Variants in CCDC3 observed in about 807,000 individuals in gnomAD.
CCDC3 encodes the protein coiled-coil domain-containing protein 3.
A neutral mutation model predicts 21.4 loss-of-function variants in CCDC3; 24 were observed. The observed-to-expected ratio is 1.12, with a 90% CI of 0.81 to 1.58. The LOEUF is 1.58. Ranked by LOEUF, CCDC3 falls within the 40% of genes most tolerant of loss-of-function variation. CCDC3 has a pLI of 0.00. For synonymous variants in CCDC3, 186 were observed against 166.0 expected, an observed-to-expected ratio of 1.12 and a Z score of -0.93; for missense variants, 425 against 360.9, an observed-to-expected ratio of 1.18 and a Z score of -1.44.
intron 4 of CCDC3, among the ~76,000 whole-genome samples, chr10:13,065,343 G>A (rs1314057824): frequency 6.6e-6 from 1 of 152,074 alleles, no homozygotes; most frequent in Non-Finnish European, 1.5e-5. Flanking sequence ...ATATAAACAC[G>A]TCACATCAAA....
chr10:12,969,898 A>T (rs370177432), intron 2 of CCDC3, among the ~76,000 whole-genome samples: 2 of 152,222 alleles, frequency 1.3e-5, no homozygotes, highest in African/African-American at 4.8e-5. Flanking sequence ...TGTGGAGTAT[A>T]AAAAAGTCAA....
intron 3 of CCDC3, among the ~76,000 whole-genome samples, chr10:13,090,836 G>A (rs1473214260): frequency 6.6e-6 from 1 of 152,242 alleles, no homozygotes; most frequent in Non-Finnish European, 1.5e-5. Flanking sequence ...ATCACAGGGT[G>A]AAGTCCCATG....
intron 2 of CCDC3, among the ~76,000 whole-genome samples, chr10:12,948,953 G>T (rs1417911673): frequency 6.6e-6 from 1 of 151,834 alleles, no homozygotes; most frequent in Non-Finnish European, 1.5e-5. Context: ...GGATGGTCTT[G>T]ATCTCCTGAC....
At chr10:13,051,558 A>G (rs929526298) in intron 4 of CCDC3, among the ~76,000 whole-genome samples, 5 of 152,172 alleles carry the variant, frequency 3.3e-5, no homozygotes, top group Admixed American at 1.3e-4. Flanking sequence ...ATTGTAACAG[A>G]AGAGTATAAT....
chr10:12,912,873 C>T (rs1834291695), intron 2 of CCDC3, among the ~76,000 whole-genome samples: 2 of 152,326 alleles, frequency 1.3e-5, no homozygotes, highest in South Asian at 4.1e-4. Context: ...ACTGTCCTCT[C>T]CCCGTTGCAT....
intron 3 of CCDC3, among the ~76,000 whole-genome samples, chr10:13,081,864 T>C (rs1049410281): frequency 1.3e-5 from 2 of 152,242 alleles, no homozygotes; most frequent in African/African-American, 4.8e-5. Flanking sequence ...AGGTCCAGGT[T>C]GTCCCCTTTC....
At chr10:12,900,640 G>A (rs1429033051) in intron 2 of CCDC3, among the ~76,000 whole-genome samples, 7 of 141,920 alleles carry the variant, frequency 4.9e-5, no homozygotes, top group Admixed American at 7.2e-5. Context: ...GCAGTGAGCC[G>A]AGATCGCGCC....
intron 5 of CCDC3, among the ~76,000 whole-genome samples, chr10:13,030,361 C>G (rs1443222904): frequency 1.3e-5 from 2 of 152,186 alleles, no homozygotes; most frequent in Non-Finnish European, 2.9e-5. Context: ...TGGAAAGGAA[C>G]AACCGGTACC....
intron 2 of CCDC3, among the ~76,000 whole-genome samples, chr10:12,899,858 T>G (rs1210181046): frequency 1.3e-5 from 2 of 152,226 alleles, no homozygotes; most frequent in Non-Finnish European, 2.9e-5. Flanking sequence ...TTTTGTACTT[T>G]TTGAATTTTG....
At chr10:12,984,495 G>A (rs770131356) in intron 2 of CCDC3, among the ~76,000 whole-genome samples, 3 of 152,188 alleles carry the variant, frequency 2.0e-5, no homozygotes, top group African/African-American at 4.8e-5. Context: ...AAAACAGTCT[G>A]GCTGCTCCTG....
chr10:12,932,197 GTTT>G (rs1456516824), intron 2 of CCDC3, among the ~76,000 whole-genome samples: 1 of 152,184 alleles, frequency 6.6e-6, no homozygotes, highest in African/African-American at 2.4e-5. Context: ...ATGATAATGT[GTTT>G]TTAATTTCAA....
At chr10:13,088,770 C>G (rs1837142396) in intron 3 of CCDC3, among the ~76,000 whole-genome samples, 2 of 152,264 alleles carry the variant, frequency 1.3e-5, no homozygotes, top group South Asian at 4.1e-4. Flanking sequence ...CGCCTGTAAT[C>G]CCAGCACTTC....
chr10:13,008,349 C>T (rs1316559833), intron 5 of CCDC3, among the ~76,000 whole-genome samples: 3 of 152,118 alleles, frequency 2.0e-5, no homozygotes, highest in South Asian at 2.1e-4. Context: ...AAGGGCAGCC[C>T]AAGCCAGGGA....
At chr10:12,980,821 T>G (rs1267736518) in intron 2 of CCDC3, among the ~76,000 whole-genome samples, 1 of 152,002 alleles carries the variant, frequency 6.6e-6, no homozygotes, top group Non-Finnish European at 1.5e-5. Context: ...GAGGATTCAA[T>G]GAAGCAAACA....
chr10:12,975,736 C>G (rs961961408), intron 2 of CCDC3, among the ~76,000 whole-genome samples: 1 of 152,188 alleles, frequency 6.6e-6, no homozygotes, highest in Non-Finnish European at 1.5e-5. Flanking sequence ...ACAGAGTGTT[C>G]ATATAACCAG....
Position 12,898,699 on chromosome 10 carries a change from G to A in CCDC3, c.550-20C>T. On this transcript the variant is annotated intron_variant, in intron 2 of 2. Transcript: ENST00000378825. ...CATGAGCTGGAGGCAGAGACAGCGTGCAAGGAGAGGAGGTGAGTCCCAGAA... is the reference window on the plus strand; with the variant it reads ...CATGAGCTGGAGGCAGAGACAGCGTACAAGGAGAGGAGGTGAGTCCCAGAA... The A allele has an allele frequency of 6.2e-7, 1 of 1,612,410 alleles. No homozygotes were observed. Among genetic ancestry groups the A allele is most frequent in the Non-Finnish European group, 8.5e-7 (1 of 1,178,704 alleles).
At chr10:12,920,415 G>A (rs1834432361) in intron 2 of CCDC3, among the ~76,000 whole-genome samples, 2 of 152,172 alleles carry the variant, frequency 1.3e-5, no homozygotes, top group Non-Finnish European at 2.9e-5. Flanking sequence ...ACATCACTAA[G>A]GCTTTGGACA....
intron 3 of CCDC3, among the ~76,000 whole-genome samples, chr10:13,093,343 A>C (rs976826651): frequency 6.6e-6 from 1 of 152,224 alleles, no homozygotes; most frequent in South Asian, 2.1e-4. Flanking sequence ...CACTACCATG[A>C]GAACAGTATG....
chr10:12,899,336 C>T (rs1363176167), intron 2 of CCDC3, among the ~76,000 whole-genome samples: 1 of 152,160 alleles, frequency 6.6e-6, no homozygotes, highest in African/African-American at 2.4e-5. Flanking sequence ...GGCAAAATTT[C>T]AGAGTCAGGA....
Sources: gnomAD v4.1 joint callset for allele counts (sites outside exome capture counted in the v4.1 genomes callset) on GRCh38, gnomAD v4.1.1 for gene constraint, MANE v1.5 for transcripts, NCBI Gene and HGNC (gene_info 2026-07-23, HGNC 2026-07-21) for gene names.